PROCR: variants seen among roughly 807,000 people sequenced by gnomAD.
PROCR encodes the protein endothelial protein C receptor.
Under a neutral mutation model 24.2 loss-of-function variants are expected in PROCR, and 22 were observed. The observed-to-expected ratio is 0.91, with a 90% CI of 0.65 to 1.30. The LOEUF is 1.30. PROCR is among the 50% of genes most tolerant of loss of function. The probability of loss-of-function intolerance (pLI) is 0.00; values close to 1 mark genes in which losing one functional copy is unlikely to be tolerated. For missense variants in PROCR, 288 were observed against 307.7 expected, an observed-to-expected ratio of 0.94 and a Z score of 0.48; for synonymous variants, 137 against 139.2, an observed-to-expected ratio of 0.98 and a Z score of 0.11.
At chr20:35,191,148 C>G (rs1403835475) in intron 1 of PROCR, among the ~76,000 whole-genome samples, 1 of 152,236 alleles carries the variant, frequency 6.6e-6, no homozygotes, top group Non-Finnish European at 1.5e-5. Flanking sequence ...TGTGAACCAC[C>G]GTGCCCAGCA....
chr20:35,213,826 C>A (rs1040703402), intron 1 of PROCR, among the ~76,000 whole-genome samples: 4 of 152,170 alleles, frequency 2.6e-5, no homozygotes, highest in Middle Eastern at 3.2e-3. Flanking sequence ...GTAATCCCAG[C>A]ACTTTTGGGA....
intron 1 of PROCR, among the ~76,000 whole-genome samples, chr20:35,197,657 A>G (rs1035751185): frequency 6.6e-6 from 1 of 151,808 alleles, no homozygotes; most frequent in African/African-American, 2.4e-5. Flanking sequence ...CCCCATCTCT[A>G]CTAAAAATAC....
chr20:35,186,088 T>C (rs1242346553), intron 1 of PROCR, among the ~76,000 whole-genome samples: 1 of 152,204 alleles, frequency 6.6e-6, no homozygotes, highest in Non-Finnish European at 1.5e-5. Context: ...AATTGAAACA[T>C]ACATCCATGC....
chr20:35,194,792 C>G (rs903381807), intron 1 of PROCR, among the ~76,000 whole-genome samples: 2 of 152,190 alleles, frequency 1.3e-5, no homozygotes, highest in Admixed American at 1.3e-4. Flanking sequence ...CAACCACCCA[C>G]AGCAGGTGAG....
chr20:35,199,238 A>C (rs2060309906), intron 1 of PROCR, among the ~76,000 whole-genome samples: 1 of 152,220 alleles, frequency 6.6e-6, no homozygotes. Flanking sequence ...ATATCTGTTC[A>C]TAGCATGGTT....
chr20:35,213,439 G>GT (rs1568602974), intron 1 of PROCR, among the ~76,000 whole-genome samples: 1 of 151,848 alleles, frequency 6.6e-6, no homozygotes, highest in African/African-American at 2.4e-5. Flanking sequence ...TATAACAGCT[G>GT]TTTTACGTTA....
chr20:35,204,904 AAT>A (rs758057697), intron 1 of PROCR, among the ~76,000 whole-genome samples: 1 of 152,044 alleles, frequency 6.6e-6, no homozygotes, highest in Non-Finnish European at 1.5e-5. Flanking sequence ...GGAATCCAGA[AAT>A]ATATATATAT....
At chr20:35,183,186 GAT>G (rs1186711080) in intron 1 of PROCR, among the ~76,000 whole-genome samples, 1 of 152,116 alleles carries the variant, frequency 6.6e-6, no homozygotes, top group Admixed American at 6.6e-5. Flanking sequence ...GTTAATAACT[GAT>G]ATGGTTTGGA....
At chr20:35,206,405 G>A (rs189608172) in intron 1 of PROCR, among the ~76,000 whole-genome samples, 1 of 145,676 alleles carries the variant, frequency 6.9e-6, no homozygotes, top group African/African-American at 2.5e-5. Context: ...AACCCGGGAG[G>A]CAGAGGTTGC....
At chr20:35,185,490 GC>G (rs2086117025) in intron 1 of PROCR, among the ~76,000 whole-genome samples, 2 of 152,228 alleles carry the variant, frequency 1.3e-5, no homozygotes, top group Admixed American at 1.3e-4. Flanking sequence ...AAACCCAAAT[GC>G]CCATCAATCA....
At chr20:35,205,399 A>AT (rs58030493) in intron 1 of PROCR, among the ~76,000 whole-genome samples, 7,430 of 139,312 alleles carry the variant, frequency 0.053, 240 homozygotes, top group Non-Finnish European at 0.076. Context: ...CCCATTCATG[A>AT]TAAAAAAAAA....
chr20:35,209,487 G>T (rs138798513), intron 1 of PROCR, among the ~76,000 whole-genome samples: 16 of 152,232 alleles, frequency 1.1e-4, no homozygotes, highest in African/African-American at 3.4e-4. Context: ...GGGAGTTGTT[G>T]GGATACAGAT....
At chr20:35,176,614 G>T in intron 3 of PROCR, 84 bp from the exon 4 acceptor site, 1 of 1,568,394 alleles carries the variant, frequency 6.4e-7, no homozygotes, top group South Asian at 1.2e-5. Flanking sequence ...CTTTCCTCTG[G>T]GGCAGAAACG....
intron 1 of PROCR, among the ~76,000 whole-genome samples, chr20:35,205,287 T>TAATAATA (rs2060333816): frequency 6.7e-6 from 1 of 148,334 alleles, no homozygotes; most frequent in Non-Finnish European, 1.5e-5. Context: ...ATAATAATAA[T>TAATAATA]AATAAATAAA....
At chr20:35,174,007 C>G (rs2085979014) in intron 1 of PROCR, among the ~76,000 whole-genome samples, 1 of 152,274 alleles carries the variant, frequency 6.6e-6, no homozygotes, top group African/African-American at 2.4e-5. Flanking sequence ...AACCTTGGCT[C>G]TGCTACACTA....
At chr20:35,202,237 T>A (rs906797916) in intron 1 of PROCR, 1 of 151,878 alleles carries the variant, frequency 6.6e-6, no homozygotes, top group African/African-American at 2.4e-5. Flanking sequence ...AAACAAGAAA[T>A]AAATAATAGA....
At chr20:35,210,715 ATT>A (rs534620031) in intron 1 of PROCR, among the ~76,000 whole-genome samples, 1 of 136,158 alleles carries the variant, frequency 7.3e-6, no homozygotes. Context: ...TCTTTTTTCC[ATT>A]TTTTTTTTTT....
chr20:35,196,503 G>A (rs1265737656), intron 1 of PROCR, among the ~76,000 whole-genome samples: 1 of 152,050 alleles, frequency 6.6e-6, no homozygotes, highest in Non-Finnish European at 1.5e-5. Context: ...ACATATGGGG[G>A]AACAATAATT....
At chr20:35,182,859 A>G (rs965123027) in intron 1 of PROCR, among the ~76,000 whole-genome samples, 3 of 151,980 alleles carry the variant, frequency 2.0e-5, no homozygotes, top group African/African-American at 7.2e-5. Flanking sequence ...CTGTAGTTCC[A>G]GCTACTCAGG....
Sources: gnomAD v4.1 joint callset for allele counts (sites outside exome capture counted in the v4.1 genomes callset) on GRCh38, gnomAD v4.1.1 for gene constraint, MANE v1.5 for transcripts, NCBI Gene and HGNC (gene_info 2026-07-23, HGNC 2026-07-21) for gene names.